Variants in GRXCR2 observed in about 807,000 individuals in gnomAD.
GRXCR2 encodes glutaredoxin and cysteine rich domain containing 2, also known as glutaredoxin domain-containing cysteine-rich protein 2.
Under a neutral mutation model 24.8 loss-of-function variants are expected in GRXCR2, and 23 were observed. The observed-to-expected ratio is 0.93, with a 90% CI of 0.67 to 1.32. The LOEUF is 1.32. Among genes scored for constraint, GRXCR2 ranks in the 40% most tolerant of loss-of-function variants. The pLI is 0.00. For synonymous variants in GRXCR2, 130 were observed against 116.1 expected (o/e 1.12, Z -0.77); for missense variants, 315 against 303.4 (o/e 1.04, Z -0.28).
In GRXCR2 at chr5:145,866,752, G is replaced by A. The variant is rs368999309; in HGVS notation, c.337-24C>T. On this transcript the variant is annotated intron_variant, in intron 1 of 2. Transcript: ENST00000377976. ...GGCTAGAGAAATGGAGAATGAGCAT[G>A]GAAACTTTACCACCAATCACCAAGT... 3.6e-5 allele frequency: 53 copies of A among 1,488,888 alleles called. No individual in the cohort carries two copies. The East Asian group carries it at 5.4e-4, about 15-fold the overall frequency. 92.2% of individuals were successfully genotyped at this position (1,488,888 alleles called of 1,614,324 possible).
intron 2 of GRXCR2, among the ~76,000 whole-genome samples, chr5:145,896,288 T>C (rs1260388592): frequency 6.6e-6 from 1 of 152,186 alleles, no homozygotes; most frequent in South Asian, 2.1e-4. Context: ...AAACGGGATG[T>C]AACTAAACTG....
rs558774559 is a variant in GRXCR2 at position 145,896,013 on chromosome 5, C to G, written c.-69-29285G>C. Among the ~76,000 whole-genome samples the G allele has an allele frequency of 4.2e-4, 64 of 152,092 alleles. 2 individuals are homozygous for G. The highest frequency in any genetic ancestry group is 3.3e-3 in the East Asian group (17 of 5,180). ...ACCATCTGATCTTTGACAAACCTGA[C>G]AAAAACAAGAAATGGGGAAAGGATT... is the stretch of plus-strand genomic sequence containing the variant. On this transcript the variant is annotated intron_variant, in intron 2 of 3. Coordinates refer to the GRXCR2 transcript ENST00000639411.
At chr5:145,908,313 C>A (rs1017617176) in intron 2 of GRXCR2, among the ~76,000 whole-genome samples, 4 of 152,086 alleles carry the variant, frequency 2.6e-5, no homozygotes, top group African/African-American at 9.7e-5. Context: ...GCAAACTCCC[C>A]AGGAACAAAG....
At chr5:145,873,864 A>G (rs340056), upstream of GRXCR2, among the ~76,000 whole-genome samples, 12,169 of 152,302 alleles carry the variant, frequency 0.08, 939 homozygotes, top group African/African-American at 0.2. Flanking sequence ...GCACAGAAGC[A>G]TGTGACCTGG....
intron 2 of GRXCR2, among the ~76,000 whole-genome samples, chr5:145,903,336 C>T (rs1757048472): frequency 6.6e-6 from 1 of 152,040 alleles, no homozygotes; most frequent in Admixed American, 6.5e-5. Context: ...TAGTGCAGTC[C>T]CCAGTCTCTA....
chr5:145,887,071 T>G (rs190131556), intron 2 of GRXCR2, among the ~76,000 whole-genome samples: 1 of 152,318 alleles, frequency 6.6e-6, no homozygotes, highest in African/African-American at 2.4e-5. Flanking sequence ...ATTTTAAAAT[T>G]TATATGTAAA....
At chr5:145,876,024 G>A (rs185705330), upstream of GRXCR2, among the ~76,000 whole-genome samples, 51 of 151,648 alleles carry the variant, frequency 3.4e-4, no homozygotes, top group East Asian at 8.3e-3. Flanking sequence ...AAAATTATCT[G>A]GGCATGGTGG....
At chr5:145,870,471 CA>C (rs1351017128) in intron 1 of GRXCR2, among the ~76,000 whole-genome samples, 4 of 152,088 alleles carry the variant, frequency 2.6e-5, no homozygotes, top group African/African-American at 9.7e-5. Flanking sequence ...CTTGTTTATC[CA>C]TTCATCAGTC....
At chr5:145,877,578 T>C (rs1225510719), upstream of GRXCR2, among the ~76,000 whole-genome samples, 1 of 152,208 alleles carries the variant, frequency 6.6e-6, no homozygotes, top group East Asian at 1.9e-4. Context: ...TATAAAACTG[T>C]ATAGAAGAGA....
chr5:145,871,918 G>T (rs1179947314), intron 1 of GRXCR2, among the ~76,000 whole-genome samples: 1 of 152,026 alleles, frequency 6.6e-6, no homozygotes, highest in Admixed American at 6.6e-5. Flanking sequence ...ATGAATTTTT[G>T]GATACCAGTG....
chr5:145,907,867 A>G (rs941241084), intron 2 of GRXCR2, among the ~76,000 whole-genome samples: 8 of 152,190 alleles, frequency 5.3e-5, no homozygotes, highest in Non-Finnish European at 1.0e-4. Context: ...GACAGACAGG[A>G]GCAAATTTAA....
At chr5:145,875,415 G>A (rs1178821748), upstream of GRXCR2, among the ~76,000 whole-genome samples, 1 of 152,128 alleles carries the variant, frequency 6.6e-6, no homozygotes, top group Non-Finnish European at 1.5e-5. Context: ...AGGGTGTGGT[G>A]GCAGGCACTT....
intron 2 of GRXCR2, among the ~76,000 whole-genome samples, chr5:145,891,675 C>A (rs999355545): frequency 6.6e-6 from 1 of 152,158 alleles, no homozygotes; most frequent in African/African-American, 2.4e-5. Flanking sequence ...CTCAAGGAGG[C>A]CTGCCTGCCT....
intron 1 of GRXCR2, among the ~76,000 whole-genome samples, chr5:145,871,279 C>A (rs950630366): frequency 6.6e-6 from 1 of 152,098 alleles, no homozygotes; most frequent in African/African-American, 2.4e-5. Context: ...ACCTAATAAG[C>A]ACTCAACAAA....
At chr5:145,918,518 C>T (rs952898232) in intron 2 of GRXCR2, among the ~76,000 whole-genome samples, 4 of 152,214 alleles carry the variant, frequency 2.6e-5, no homozygotes, top group Non-Finnish European at 5.9e-5. Context: ...TCGATACTCA[C>T]AGCAGAGACT....
At chr5:145,929,907 T>C (rs1192393272) in intron 2 of GRXCR2, among the ~76,000 whole-genome samples, 1 of 152,148 alleles carries the variant, frequency 6.6e-6, no homozygotes, top group African/African-American at 2.4e-5. Context: ...CTTCCGTTTC[T>C]TTATGATACA....
chr5:145,910,993 A>AT (rs113252498), intron 2 of GRXCR2, among the ~76,000 whole-genome samples: 4,624 of 144,526 alleles, frequency 0.032, 225 homozygotes, highest in African/African-American at 0.1. Context: ...CTTCTTTTGT[A>AT]TTTTTTTTTT....
At chr5:145,874,931 A>G (rs556312270), upstream of GRXCR2, among the ~76,000 whole-genome samples, 1 of 152,072 alleles carries the variant, frequency 6.6e-6, no homozygotes, top group South Asian at 2.1e-4. Flanking sequence ...AGAGTGTCAA[A>G]TTTCCATTCC....
At chr5:145,896,707 C>A (rs10036709) in intron 2 of GRXCR2, among the ~76,000 whole-genome samples, 31,999 of 151,906 alleles carry the variant, frequency 0.21, 4,027 homozygotes, top group East Asian at 0.59. Context: ...TAGTTCAACC[C>A]TTGTGGAAGT....
Sources: allele counts gnomAD v4.1 joint callset (sites outside exome capture counted in the v4.1 genomes callset), GRCh38; gene constraint gnomAD v4.1.1; transcripts MANE v1.5; gene names NCBI Gene and HGNC (gene_info 2026-07-23, HGNC 2026-07-21).